The following XPO5 variants were observed in gnomAD, a reference collection of about 807,000 sequenced individuals.
XPO5 encodes exportin-5.
XPO5 carries 46 observed loss-of-function variants against 160.6 expected under a neutral mutation model. The observed-to-expected ratio is 0.29, with a 90% confidence interval of 0.23 to 0.37. XPO5 has a LOEUF of 0.37. XPO5 is among the 10% of genes least tolerant of loss of function. The pLI is 1.00. For missense variants in XPO5, 1,090 were observed against 1,463.9 expected (o/e 0.74, Z 4.17); for synonymous variants, 537 against 519.3 (o/e 1.03, Z -0.46).
intron 18 of XPO5, among the ~76,000 whole-genome samples, chr6:43,547,921 GAATAT>G (rs1378965083): frequency 6.6e-6 from 1 of 152,112 alleles, no homozygotes; most frequent in African/African-American, 2.4e-5. Flanking sequence ...AATTAAACAA[GAATAT>G]AATCTTCAAA....
At chr6:43,573,801 T>G (rs1310659515) in intron 1 of XPO5, among the ~76,000 whole-genome samples, 200 bp from the exon 2 acceptor site, 2 of 138,840 alleles carry the variant, frequency 1.4e-5, no homozygotes, top group African/African-American at 5.5e-5. Flanking sequence ...CCCATCTCTA[T>G]TAAATATATA....
intron 22 of XPO5, among the ~76,000 whole-genome samples, chr6:43,531,105 G>A (rs944277213): frequency 1.3e-5 from 2 of 152,182 alleles, no homozygotes; most frequent in Non-Finnish European, 2.9e-5. Flanking sequence ...AAGCCCATGA[G>A]GGCCAGTTAC....
intron 8 of XPO5, 43 bp downstream of exon 8, chr6:43,565,617 G>T: frequency 2.8e-6 from 4 of 1,433,102 alleles, no homozygotes; most frequent in South Asian, 1.3e-5. Context: ...ATAGAAAAAT[G>T]ACAAAGAAAT....
chr6:43,540,728 G>T (rs1017292840), intron 20 of XPO5, among the ~76,000 whole-genome samples: 2 of 152,210 alleles, frequency 1.3e-5, no homozygotes, highest in African/African-American at 4.8e-5. Context: ...TGTTCCTGCT[G>T]TGGCCTCCCA....
chr6:43,575,686 T>A (rs1763281555), intron 1 of XPO5, 74 bp downstream of exon 1: 2 of 1,386,984 alleles, frequency 1.4e-6, no homozygotes, highest in Non-Finnish European at 2.0e-6. Context: ...CTACCCCAGT[T>A]ACAGGCGGCG....
At chr6:43,573,378 G>T (rs1316860680) in intron 2 of XPO5, 102 bp downstream of exon 2, 25 of 1,447,362 alleles carry the variant, frequency 1.7e-5, no homozygotes, top group Non-Finnish European at 2.3e-5. Flanking sequence ...TCTTCTTGGA[G>T]ATTGCTCTTC....
intron 25 of XPO5, 150 bp from the exon 26 acceptor site, chr6:43,527,881 C>T: frequency 1.3e-6 from 1 of 778,212 alleles, no homozygotes; most frequent in Non-Finnish European, 2.1e-6. Context: ...CAGTGATCCA[C>T]TGAAGGACAT....
At chr6:43,555,203 AAGTGCTGGGAT>A (rs1213386412) in intron 13 of XPO5, 1 of 152,252 alleles carries the variant, frequency 6.6e-6, no homozygotes, top group East Asian at 1.9e-4. Context: ...TGGGCTCCCA[AAGTGCTGGGAT>A]TACAAGCGTG....
chr6:43,551,927 A>G (rs767458903), intron 14 of XPO5, among the ~76,000 whole-genome samples: 7 of 152,050 alleles, frequency 4.6e-5, no homozygotes, highest in Non-Finnish European at 7.4e-5. Flanking sequence ...TTGGCCTCCC[A>G]AAGTGTTGGG....
intron 22 of XPO5, among the ~76,000 whole-genome samples, chr6:43,531,190 C>A (rs1177139643): frequency 6.6e-6 from 1 of 152,182 alleles, no homozygotes; most frequent in Non-Finnish European, 1.5e-5. Context: ...AGGGTCTAAG[C>A]AATCCCCACC....
chr6:43,561,293 G>GA (rs1187097824), intron 9 of XPO5: 21 of 339,684 alleles, frequency 6.2e-5, no homozygotes, highest in Admixed American at 8.9e-5. Flanking sequence ...ATTACAGAAA[G>GA]AAAAAAAATC....
chr6:43,549,412 G>T, intron 17 of XPO5, 77 bp downstream of exon 17: 2 of 1,396,676 alleles, frequency 1.4e-6, no homozygotes, highest in Non-Finnish European at 1.9e-6. Context: ...TTTTCTTTAT[G>T]TGAGGTACAC....
intron 20 of XPO5, 79 bp from the exon 21 acceptor site, chr6:43,534,086 T>TA: frequency 1.8e-6 from 2 of 1,094,040 alleles, no homozygotes; most frequent in South Asian, 1.2e-5. Flanking sequence ...AATCCAGTGA[T>TA]ACTACAGTTT....
In XPO5 at chr6:43,570,382, T is replaced by C. The variant is rs1762953635; in HGVS notation, c.621+120A>G. ...TCTGTCATTTCCTAGTTTTTTATTT[T>C]TTTGCTTATAAAATAGGATTTCATT... On this transcript the variant is annotated intron_variant, in intron 5 of 31. Transcript: ENST00000265351. The C allele has an allele frequency of 3.6e-6, 3 of 837,654 alleles. No homozygotes were observed. In the East Asian group the frequency reaches 8.7e-5, roughly 24 times the overall value. The allele number at this position is 837,654 out of a possible 1,614,324, so 51.9% of individuals were successfully genotyped here. A position where few individuals can be genotyped will look rare whatever the true frequency, so the allele number is the denominator to read the frequency against.
At chr6:43,524,120 G>C in intron 31 of XPO5, 115 bp from the exon 32 acceptor site, 1 of 1,441,778 alleles carries the variant, frequency 6.9e-7, no homozygotes, top group South Asian at 1.4e-5. Context: ...GGGAGGCCAA[G>C]GCGGGTGGAT....
intron 20 of XPO5, among the ~76,000 whole-genome samples, chr6:43,543,473 A>G (rs112431276): frequency 0.017 from 2,594 of 152,074 alleles, 32 homozygotes; most frequent in Non-Finnish European, 0.028. Context: ...AAGTAAGTAA[A>G]TAAATAAATA....
intron 23 of XPO5, 89 bp from the exon 24 acceptor site, chr6:43,529,014 C>G: frequency 7.8e-7 from 1 of 1,283,712 alleles, no homozygotes; most frequent in South Asian, 1.4e-5. Context: ...AGAATCAATC[C>G]CTAAAGGATT....
At chr6:43,560,767 A>G (rs1029375634) in intron 10 of XPO5, among the ~76,000 whole-genome samples, 157 bp downstream of exon 10, 10 of 152,228 alleles carry the variant, frequency 6.6e-5, no homozygotes, top group African/African-American at 2.2e-4. Flanking sequence ...CTCAGGAAGA[A>G]GAGCCAATAA....
chr6:43,539,595 C>T, intron 20 of XPO5: 1 of 1,380,588 alleles, frequency 7.2e-7, no homozygotes. Context: ...CGGCTGCGAC[C>T]CCGGCCCCGG....
Sources: gnomAD v4.1 joint callset for allele counts (sites outside exome capture counted in the v4.1 genomes callset) on GRCh38, gnomAD v4.1.1 for gene constraint, MANE v1.5 for transcripts, NCBI Gene and HGNC (gene_info 2026-07-23, HGNC 2026-07-21) for gene names.